Variants in RNF180 observed in about 807,000 individuals in gnomAD.
RNF180 encodes E3 ubiquitin-protein ligase RNF180.
RNF180 carries 38 observed loss-of-function variants against 59.2 expected under a neutral mutation model. That is an observed-to-expected ratio of 0.64 (90% CI 0.50 to 0.84). The LOEUF (loss-of-function observed/expected upper bound fraction) is 0.84, where lower values mean the gene tolerates loss of function less well. Among genes scored for constraint, RNF180 ranks in the 40% least tolerant of loss-of-function variants. The probability of loss-of-function intolerance (pLI) is 0.00; values close to 1 mark genes in which losing one functional copy is unlikely to be tolerated. For synonymous variants in RNF180, 262 were observed against 240.3 expected (o/e 1.09, Z -0.84); for missense variants, 705 against 700.9 (o/e 1.01, Z -0.07).
intron 7 of RNF180, among the ~76,000 whole-genome samples, chr5:64,351,615 G>C (rs1249823379): frequency 2.0e-5 from 3 of 151,598 alleles, no homozygotes; most frequent in Non-Finnish European, 3.0e-5. Flanking sequence ...TAGCATGAAT[G>C]GTTGTTGAAT....
chr5:64,182,100 C>T (rs910749104), intron 1 of RNF180, among the ~76,000 whole-genome samples: 1 of 149,986 alleles, frequency 6.7e-6, no homozygotes, highest in African/African-American at 2.5e-5. Context: ...ACACCATTCT[C>T]CTGCCTCAGC....
chr5:64,241,268 T>C (rs1449425472), intron 5 of RNF180, among the ~76,000 whole-genome samples: 1 of 152,216 alleles, frequency 6.6e-6, no homozygotes, highest in Non-Finnish European at 1.5e-5. Flanking sequence ...ATTTTACTCA[T>C]TTTGCCAGTC....
At chr5:64,307,540 A>G (rs560459175) in intron 5 of RNF180, among the ~76,000 whole-genome samples, 1 of 151,772 alleles carries the variant, frequency 6.6e-6, no homozygotes, top group African/African-American at 2.4e-5. Context: ...AGTGATATAC[A>G]TATAGCCCTC....
At chr5:64,307,409 A>T (rs149154107) in intron 5 of RNF180, among the ~76,000 whole-genome samples, 158 of 151,718 alleles carry the variant, frequency 1.0e-3, no homozygotes, top group African/African-American at 3.7e-3. Flanking sequence ...CAAAATGAAG[A>T]TTAATTAAAA....
At position 64,212,344 on chromosome 5, in the gene RNF180, G is replaced by A. The variant is rs182078016; in HGVS notation, c.231+184G>A. On this transcript the variant is annotated intron_variant, in intron 3 of 7. Coordinates refer to ENST00000389100, the MANE Select transcript of RNF180 (RefSeq NM_001113561.2). ...CTTTATATACCTACCTGTGTTTTACGCACACACACACACATGCACACACAC... is the reference window on the plus strand; with the variant it reads ...CTTTATATACCTACCTGTGTTTTACACACACACACACACATGCACACACAC... Among the ~76,000 whole-genome samples the A allele has an allele frequency of 2.3e-4, 35 of 149,518 alleles. No individual in the cohort carries two copies. The East Asian group carries it at 4.9e-3, about 21-fold the overall frequency.
At chr5:64,235,776 C>T (rs1307096201) in intron 5 of RNF180, among the ~76,000 whole-genome samples, 2 of 152,110 alleles carry the variant, frequency 1.3e-5, no homozygotes, top group Non-Finnish European at 2.9e-5. Context: ...TGAGTTCTCA[C>T]AAGATCTGGT....
intron 5 of RNF180, among the ~76,000 whole-genome samples, chr5:64,228,488 T>C (rs1028134411): frequency 3.9e-5 from 6 of 152,176 alleles, no homozygotes; most frequent in Non-Finnish European, 7.3e-5. Context: ...CACCCCATCC[T>C]GGATGACAGA....
intron 5 of RNF180, among the ~76,000 whole-genome samples, chr5:64,310,387 A>G (rs1397608706): frequency 1.3e-5 from 2 of 151,756 alleles, no homozygotes; most frequent in Non-Finnish European, 2.9e-5. Flanking sequence ...ATTGTAGATG[A>G]CATTTTACCA....
intron 1 of RNF180, among the ~76,000 whole-genome samples, chr5:64,192,903 G>GTGTGTGTATATATATA (rs1486448173): frequency 1.1e-5 from 1 of 93,890 alleles, no homozygotes; most frequent in African/African-American, 4.1e-5. Context: ...AGTGTGGCAT[G>GTGTGTGTATATATATA]TATATATATA....
intron 2 of RNF180, among the ~76,000 whole-genome samples, chr5:64,205,425 A>C (rs1751966085): frequency 1.3e-5 from 2 of 152,192 alleles, no homozygotes; most frequent in African/African-American, 4.8e-5. Flanking sequence ...AACCAAAAAC[A>C]AAATAACAGC....
At chr5:64,192,533 G>A (rs745515471) in intron 1 of RNF180, among the ~76,000 whole-genome samples, 1 of 151,952 alleles carries the variant, frequency 6.6e-6, no homozygotes, top group Non-Finnish European at 1.5e-5. Flanking sequence ...TTACCTGGGC[G>A]TGGTGGCGCG....
At chr5:64,300,733 C>T (rs996090180) in intron 5 of RNF180, among the ~76,000 whole-genome samples, 3 of 151,774 alleles carry the variant, frequency 2.0e-5, no homozygotes, top group Non-Finnish European at 4.4e-5. Context: ...CTACTCTCCC[C>T]TGCCATTGCA....
chr5:64,275,014 A>G (rs1741636708), intron 5 of RNF180, among the ~76,000 whole-genome samples: 1 of 151,950 alleles, frequency 6.6e-6, no homozygotes, highest in Admixed American at 6.6e-5. Flanking sequence ...ATATGTTAGA[A>G]ATCCAAAACT....
At chr5:64,213,470 T>C in intron 3 of RNF180, 88 bp from the exon 4 acceptor site, 2 of 1,242,152 alleles carry the variant, frequency 1.6e-6, no homozygotes, top group Non-Finnish European at 2.2e-6. Context: ...TAGAAAACTT[T>C]CATGTGGCTG....
At chr5:64,310,971 A>T (rs1392263773) in intron 5 of RNF180, among the ~76,000 whole-genome samples, 1 of 151,976 alleles carries the variant, frequency 6.6e-6, no homozygotes, top group African/African-American at 2.4e-5. Context: ...TAATGGGCTT[A>T]GTGAACAACT....
intron 2 of RNF180, among the ~76,000 whole-genome samples, chr5:64,211,159 C>T (rs1302488719): frequency 2.0e-5 from 3 of 151,952 alleles, no homozygotes; most frequent in African/African-American, 7.3e-5. Context: ...GTATGCAGGA[C>T]CTAGAGGAAT....
intron 5 of RNF180, among the ~76,000 whole-genome samples, chr5:64,272,325 G>C (rs1227764338): frequency 1.3e-5 from 2 of 152,062 alleles, no homozygotes; most frequent in Non-Finnish European, 2.9e-5. Context: ...ACTAGGTAAA[G>C]AAGTATGAGG....
intron 5 of RNF180, among the ~76,000 whole-genome samples, chr5:64,256,733 G>T (rs1203619194): frequency 6.6e-6 from 1 of 152,116 alleles, no homozygotes; most frequent in South Asian, 2.1e-4. Flanking sequence ...TTCCAATTCT[G>T]TGAAGAAAGC....
intron 7 of RNF180, among the ~76,000 whole-genome samples, chr5:64,337,492 AT>A (rs1561269851): frequency 6.6e-6 from 1 of 151,824 alleles, no homozygotes; most frequent in South Asian, 2.1e-4. Flanking sequence ...CTAGAAATAT[AT>A]TTTTTTGCAA....
Sources: allele counts gnomAD v4.1 joint callset (sites outside exome capture counted in the v4.1 genomes callset), GRCh38; gene constraint gnomAD v4.1.1; transcripts MANE v1.5; gene names NCBI Gene and HGNC (gene_info 2026-07-23, HGNC 2026-07-21).